CTNND2: variants seen among roughly 807,000 people sequenced by gnomAD.
CTNND2 encodes catenin delta-2.
Under a neutral mutation model 144.4 loss-of-function variants are expected in CTNND2, and 22 were observed. The observed-to-expected ratio is 0.15, with a 90% CI of 0.11 to 0.22. The LOEUF is 0.22. Ranked by LOEUF, CTNND2 falls within the 10% of genes least tolerant of loss-of-function variation. The pLI is 1.00. For synonymous variants in CTNND2, 751 were observed against 695.6 expected (o/e 1.08, Z -1.25); for missense variants, 1,353 against 1,618.8 (o/e 0.84, Z 2.82).
chr5:11,373,356 G>A (rs946735724), intron 7 of CTNND2, among the ~76,000 whole-genome samples: 2 of 152,104 alleles, frequency 1.3e-5, no homozygotes, highest in African/African-American at 4.8e-5. Context: ...GGACTACAGG[G>A]GACCCACCAC....
At chr5:11,761,085 T>C (rs1789236097) in intron 1 of CTNND2, among the ~76,000 whole-genome samples, 1 of 152,170 alleles carries the variant, frequency 6.6e-6, no homozygotes, top group Non-Finnish European at 1.5e-5. Context: ...ATGATGTCAA[T>C]AATTCCACCA....
intron 6 of CTNND2, among the ~76,000 whole-genome samples, chr5:11,389,870 T>C (rs1223091280): frequency 6.6e-6 from 1 of 152,228 alleles, no homozygotes; most frequent in Non-Finnish European, 1.5e-5. Flanking sequence ...ATAAACTTTG[T>C]TTCATGTACA....
chr5:11,477,894 C>T (rs1767907752), intron 3 of CTNND2, among the ~76,000 whole-genome samples: 1 of 152,132 alleles, frequency 6.6e-6, no homozygotes. Flanking sequence ...ATCTCCTGTA[C>T]TGCGTATCTG....
chr5:11,768,266 G>GAGTTTTGTTT (rs1789709506), intron 1 of CTNND2, among the ~76,000 whole-genome samples: 1 of 131,690 alleles, frequency 7.6e-6, no homozygotes, highest in African/African-American at 3.4e-5. Flanking sequence ...TCCCACTCAG[G>GAGTTTTGTTT]AGTTTTGTTT....
chr5:11,678,858 A>G (rs1784299223), intron 2 of CTNND2, among the ~76,000 whole-genome samples: 1 of 152,038 alleles, frequency 6.6e-6, no homozygotes, highest in Non-Finnish European at 1.5e-5. Context: ...TGGCTCCAGG[A>G]ACAAAGGACA....
At chr5:11,552,161 C>A (rs987090019) in intron 3 of CTNND2, among the ~76,000 whole-genome samples, 7 of 152,158 alleles carry the variant, frequency 4.6e-5, no homozygotes, top group African/African-American at 1.7e-4. Flanking sequence ...ACATTAAACC[C>A]TTGGGAATAC....
At chr5:11,623,141 CTCTT>C (rs1423786789) in intron 2 of CTNND2, among the ~76,000 whole-genome samples, 2 of 152,108 alleles carry the variant, frequency 1.3e-5, no homozygotes, top group Non-Finnish European at 2.9e-5. Context: ...TCCAGACAGG[CTCTT>C]TATTTTAGAG....
At chr5:11,806,604 A>T (rs10070732) in intron 1 of CTNND2, among the ~76,000 whole-genome samples, 15,156 of 152,154 alleles carry the variant, frequency 0.1, 1,788 homozygotes, top group African/African-American at 0.28. Flanking sequence ...GATCTAAAAC[A>T]TAATATGGGC....
At chr5:11,626,431 A>G (rs1781158411) in intron 2 of CTNND2, among the ~76,000 whole-genome samples, 1 of 152,232 alleles carries the variant, frequency 6.6e-6, no homozygotes, top group African/African-American at 2.4e-5. Context: ...AAAGATTTGC[A>G]TAATTCATTG....
At chr5:11,821,907 G>C (rs575185267) in intron 1 of CTNND2, among the ~76,000 whole-genome samples, 1 of 152,164 alleles carries the variant, frequency 6.6e-6, no homozygotes, top group East Asian at 1.9e-4. Context: ...CACCAGCCCA[G>C]CAAATATGTC....
intron 5 of CTNND2, among the ~76,000 whole-genome samples, chr5:11,403,846 T>C (rs559107170): frequency 6.6e-6 from 1 of 152,348 alleles, no homozygotes; most frequent in East Asian, 1.9e-4. Context: ...AACCAGTCTT[T>C]GATTTGTGAC....
At chr5:11,272,242 A>G (rs772930020) in intron 9 of CTNND2, among the ~76,000 whole-genome samples, 1 of 152,172 alleles carries the variant, frequency 6.6e-6, no homozygotes, top group African/African-American at 2.4e-5. Context: ...CTGATCGCTC[A>G]CCATCTACTG....
chr5:11,688,092 G>A (rs1784738349), intron 2 of CTNND2, among the ~76,000 whole-genome samples: 1 of 152,076 alleles, frequency 6.6e-6, no homozygotes, highest in African/African-American at 2.4e-5. Context: ...GTGGTTTGGG[G>A]GCCATTTGAA....
At chr5:11,365,142 G>A (rs1277843261) in intron 7 of CTNND2, among the ~76,000 whole-genome samples, 1 of 152,216 alleles carries the variant, frequency 6.6e-6, no homozygotes, top group Non-Finnish European at 1.5e-5. Context: ...CATGGAACAA[G>A]ACCAGTGAAA....
intron 1 of CTNND2, among the ~76,000 whole-genome samples, chr5:11,824,874 C>T (rs1036272689): frequency 6.6e-6 from 1 of 152,136 alleles, no homozygotes; most frequent in Admixed American, 6.5e-5. Flanking sequence ...AATTCTGTCA[C>T]CCCAAACAGA....
intron 9 of CTNND2, among the ~76,000 whole-genome samples, chr5:11,273,326 C>T (rs1367739288): frequency 6.6e-6 from 1 of 152,096 alleles, no homozygotes; most frequent in African/African-American, 2.4e-5. Flanking sequence ...CCCTGAGTCT[C>T]AAGTGGACAC....
intron 11 of CTNND2, 33 bp from the exon 12 acceptor site, chr5:11,159,792 G>A: frequency 6.6e-6 from 10 of 1,504,506 alleles, no homozygotes; most frequent in Non-Finnish European, 8.9e-6. Context: ...GGTTTTGGGT[G>A]GCCACAAGTT....
At chr5:11,073,092 C>T (rs1369594510) in intron 16 of CTNND2, among the ~76,000 whole-genome samples, 2 of 152,176 alleles carry the variant, frequency 1.3e-5, no homozygotes, top group African/African-American at 4.8e-5. Flanking sequence ...AAAAAGAATT[C>T]ATCTTTAAAC....
chr5:11,535,210 C>A (rs1774106248), intron 3 of CTNND2, among the ~76,000 whole-genome samples: 1 of 150,658 alleles, frequency 6.6e-6, no homozygotes, highest in Non-Finnish European at 1.5e-5. Context: ...AAAAAGACTT[C>A]TTATGGAACA....
Sources: gnomAD v4.1 joint callset for allele counts (sites outside exome capture counted in the v4.1 genomes callset) on GRCh38, gnomAD v4.1.1 for gene constraint, MANE v1.5 for transcripts, NCBI Gene and HGNC (gene_info 2026-07-23, HGNC 2026-07-21) for gene names.